The following CDK17 variants were observed in gnomAD, a reference collection of about 807,000 sequenced individuals.
CDK17 encodes cyclin-dependent kinase 17.
In CDK17, 24 loss-of-function variants were observed where a neutral mutation model predicts 77.6. The observed-to-expected ratio is 0.31, with a 90% CI of 0.22 to 0.44. The LOEUF (loss-of-function observed/expected upper bound fraction) is 0.44. Ranked by LOEUF, CDK17 falls within the 20% of genes least tolerant of loss-of-function variation. CDK17 has a pLI of 1.00. For synonymous variants in CDK17, 203 were observed against 210.4 expected (o/e 0.96, Z 0.30); for missense variants, 429 against 622.5 (o/e 0.69, Z 3.31).
At chr12:96,280,437 G>T in intron 16 of CDK17, 158 bp from the exon 17 acceptor site, 1 of 1,436,044 alleles carries the variant, frequency 7.0e-7, no homozygotes, top group Non-Finnish European at 9.1e-7. Context: ...TGTTGACGGG[G>T]TCAGTCTACA....
intron 1 of CDK17, among the ~76,000 whole-genome samples, chr12:96,374,689 G>A (rs1473870422): frequency 6.6e-5 from 10 of 152,162 alleles, no homozygotes; most frequent in Admixed American, 3.9e-4. Context: ...ACCAGGAAAA[G>A]GGGGGAACTA....
At chr12:96,365,206 A>C (rs1308842652) in intron 1 of CDK17, among the ~76,000 whole-genome samples, 1 of 152,218 alleles carries the variant, frequency 6.6e-6, no homozygotes, top group Non-Finnish European at 1.5e-5. Flanking sequence ...CATTAAAATA[A>C]TTATTCCACA....
At chr12:96,310,775 A>G (rs1271027204) in intron 5 of CDK17, among the ~76,000 whole-genome samples, 1 of 150,380 alleles carries the variant, frequency 6.6e-6, no homozygotes, top group Non-Finnish European at 1.5e-5. Context: ...GTGTATCTAT[A>G]TATCTAGTAT....
chr12:96,345,515 C>T (rs968200915), intron 1 of CDK17, among the ~76,000 whole-genome samples: 5 of 152,124 alleles, frequency 3.3e-5, no homozygotes, highest in African/African-American at 1.2e-4. Flanking sequence ...TTAGTAATCG[C>T]CATTCGACTG....
intron 1 of CDK17, among the ~76,000 whole-genome samples, chr12:96,373,010 T>C (rs1260285141): frequency 6.6e-6 from 1 of 152,238 alleles, no homozygotes; most frequent in Admixed American, 6.5e-5. Flanking sequence ...CTTTGCTTCA[T>C]TATTGCTTAC....
intron 1 of CDK17, among the ~76,000 whole-genome samples, chr12:96,362,465 C>T (rs549883636): frequency 5.4e-4 from 82 of 152,188 alleles, no homozygotes; most frequent in Non-Finnish European, 9.7e-4. Context: ...CTGACATGCC[C>T]GCCTCAGCCT....
intron 1 of CDK17, among the ~76,000 whole-genome samples, chr12:96,373,349 T>C (rs112880480): frequency 1.3e-5 from 2 of 152,234 alleles, no homozygotes; most frequent in African/African-American, 2.4e-5. Context: ...TCCCAGCACT[T>C]TGGGAGGCCT....
At chr12:96,349,413 A>G (rs551505809) in intron 1 of CDK17, among the ~76,000 whole-genome samples, 3 of 152,110 alleles carry the variant, frequency 2.0e-5, no homozygotes, top group Admixed American at 6.6e-5. Context: ...AGATTGGGCC[A>G]TTGCACTCCA....
chr12:96,360,494 T>C (rs1953475578), intron 1 of CDK17, among the ~76,000 whole-genome samples: 1 of 152,164 alleles, frequency 6.6e-6, no homozygotes, highest in African/African-American at 2.4e-5. Context: ...TAAGATTTGG[T>C]TTAAACATCT....
rs371494252 is a variant in CDK17 at position 96,280,914 on chromosome 12, T to C, written c.1457-29A>G. The C allele has an allele frequency of 3.2e-6, 5 of 1,571,804 alleles. No homozygotes were observed. The African/African-American group carries it at 6.8e-5, about 21-fold the overall frequency. ...AAATGCATAGACAAAAATTATTAGG[T>C]GAAGGTCTAACATTAAAACAAACAC... On this transcript the variant is annotated intron_variant, in intron 15 of 16. Coordinates refer to ENST00000261211, the MANE Select transcript of CDK17 (RefSeq NM_002595.5).
At chr12:96,308,781 T>C (rs1357995026) in intron 5 of CDK17, among the ~76,000 whole-genome samples, 1 of 117,688 alleles carries the variant, frequency 8.5e-6, no homozygotes, top group Non-Finnish European at 1.9e-5. Flanking sequence ...AAAAAGGAGA[T>C]ACAACAACTG....
chr12:96,286,358 T>C (rs1005639884), intron 12 of CDK17, among the ~76,000 whole-genome samples: 4 of 152,028 alleles, frequency 2.6e-5, no homozygotes, highest in African/African-American at 4.8e-5. Context: ...AAAGGATGCC[T>C]GGTCCTTTTT....
intron 1 of CDK17, among the ~76,000 whole-genome samples, chr12:96,342,985 A>C (rs1351827720): frequency 6.6e-6 from 1 of 152,128 alleles, no homozygotes; most frequent in Non-Finnish European, 1.5e-5. Context: ...TTAATCCTTG[A>C]TGTGTTCAAA....
intron 1 of CDK17, among the ~76,000 whole-genome samples, chr12:96,392,145 G>A (rs532053872): frequency 6.6e-6 from 1 of 152,282 alleles, no homozygotes; most frequent in South Asian, 2.1e-4. Flanking sequence ...AAGTACTACA[G>A]TATACATAAA....
In CDK17 at chr12:96,400,402, T is replaced by C. The variant is rs891422640; in HGVS notation, c.-446A>G. On this transcript the variant is annotated 5_prime_UTR_variant, in exon 1 of 17. Coordinates refer to ENST00000261211, the MANE Select transcript of CDK17 (RefSeq NM_002595.5). ...ACTGCGGGCGGCCGCGTTCGCTCCT[T>C]GCGTGTGCGTCGCTTTCACACTCGG... 7 of 382,818 alleles carry C rather than the reference T, an allele frequency of 1.8e-5. No homozygotes were observed. Among genetic ancestry groups the C allele is most frequent in the African/African-American group, 1.5e-4 (7 of 47,910 alleles). The allele number at this position is 382,818 out of a possible 1,614,324, so 23.7% of individuals were successfully genotyped here.
chr12:96,301,166 AT>A (rs1343362453), intron 5 of CDK17, among the ~76,000 whole-genome samples: 1 of 148,496 alleles, frequency 6.7e-6, no homozygotes, highest in African/African-American at 2.5e-5. Flanking sequence ...ATGCTCTTCT[AT>A]GGATCAGGAA....
At chr12:96,332,887 T>G (rs777399610) in intron 2 of CDK17, among the ~76,000 whole-genome samples, 1 of 152,220 alleles carries the variant, frequency 6.6e-6, no homozygotes, top group Admixed American at 6.5e-5. Context: ...TGTTTTATGA[T>G]AGTTAATACC....
chr12:96,288,129 TA>T (rs1329059967), intron 11 of CDK17, among the ~76,000 whole-genome samples: 3 of 152,190 alleles, frequency 2.0e-5, no homozygotes, highest in Admixed American at 6.6e-5. Context: ...CATAACAATA[TA>T]AATGTACTTA....
intron 7 of CDK17, 46 bp from the exon 8 acceptor site, chr12:96,297,767 T>C (rs558622802): frequency 6.4e-5 from 67 of 1,054,868 alleles, no homozygotes; most frequent in Admixed American, 5.9e-4. Flanking sequence ...GCAGTCTTTA[T>C]AAAAACCTGA....
Sources: allele counts gnomAD v4.1 joint callset (sites outside exome capture counted in the v4.1 genomes callset), GRCh38; gene constraint gnomAD v4.1.1; transcripts MANE v1.5; gene names NCBI Gene and HGNC (gene_info 2026-07-23, HGNC 2026-07-21).